Variants in ZNF724 observed in about 807,000 individuals in gnomAD.
The protein encoded by ZNF724 is zinc finger protein 724.
A neutral mutation model predicts 29.3 loss-of-function variants in ZNF724; 14 were observed. The observed-to-expected ratio is 0.48, with a 90% CI of 0.32 to 0.75. ZNF724 has a LOEUF of 0.75. ZNF724 is among the 30% of genes least tolerant of loss of function. The pLI, the probability that ZNF724 is intolerant of heterozygous loss-of-function variation, is 0.04. For synonymous variants in ZNF724, 180 were observed against 193.6 expected (o/e 0.93, Z 0.58); for missense variants, 557 against 571.2 (o/e 0.98, Z 0.25).
chr19:23,228,454 CAA>C (rs35156216), intron 3 of ZNF724, among the ~76,000 whole-genome samples: 12 of 100,068 alleles, frequency 1.2e-4, no homozygotes, highest in Non-Finnish European at 8.4e-5. Context: ...GACTTCGTCT[CAA>C]AAAAAAAAAA....
chr19:23,249,973 C>T (rs1972320639), intron 1 of ZNF724, among the ~76,000 whole-genome samples: 2 of 152,204 alleles, frequency 1.3e-5, no homozygotes, highest in Non-Finnish European at 2.9e-5. Flanking sequence ...GGGAGAGACG[C>T]TGCGCTGCGG....
At chr19:23,249,697 C>G (rs562702195) in intron 1 of ZNF724, among the ~76,000 whole-genome samples, 10 of 152,122 alleles carry the variant, frequency 6.6e-5, no homozygotes, top group African/African-American at 2.2e-4. Context: ...CTGTGCCAGA[C>G]TAATTTTTAT....
At chr19:23,238,001 T>C (rs532752666) in intron 1 of ZNF724, among the ~76,000 whole-genome samples, 4 of 152,300 alleles carry the variant, frequency 2.6e-5, no homozygotes, top group Admixed American at 6.5e-5. Flanking sequence ...TTTAATCCTA[T>C]CTTTGTGCTC....
intron 1 of ZNF724, among the ~76,000 whole-genome samples, chr19:23,234,067 A>G (rs1260387060): frequency 1.3e-5 from 2 of 152,160 alleles, no homozygotes; most frequent in Admixed American, 6.5e-5. Context: ...CAAAGACACC[A>G]GCAATTTCTG....
Position 23,250,334 on chromosome 19 carries a change from C to A in ZNF724, c.-92G>T, listed in dbSNP as rs1972331162. ...GCCACAGAGGCTGGGCCTCTAAGAG[C>A]AGGGGACACAAAGCAGGGAAGACGA... On this transcript the variant is annotated 5_prime_UTR_variant, in exon 1 of 4. Transcript: ENST00000418100. The A allele has an allele frequency of 1.9e-6, 1 of 536,952 alleles. No individual in the cohort carries two copies. The allele number at this position is 536,952 out of a possible 1,614,324, so 33.3% of individuals were successfully genotyped here.
At chr19:23,230,316 A>AT (rs1971913310) in intron 3 of ZNF724, among the ~76,000 whole-genome samples, 1 of 152,148 alleles carries the variant, frequency 6.6e-6, no homozygotes, top group African/African-American at 2.4e-5. Context: ...TGATCTACAG[A>AT]TTTAATAAAC....
rs756199070 is a variant in ZNF724 at position 23,223,888 on chromosome 19, A to T, written c.357T>A (p.Ser119Arg). ...HNLQLKKGYK[S>R]VDEYKVHKGS... is the part of the protein sequence containing the mutation. Reference sequence around the variant, plus strand: ...CTTTGTGCACCTTGTACTCATCCACACTTTTATAGCCTTTTTTTAACTGTA... The same window carrying T: ...CTTTGTGCACCTTGTACTCATCCACTCTTTTATAGCCTTTTTTTAACTGTA... Residue 119 changes from serine (S) to arginine (R), a missense_variant, in exon 4 of 4, where the codon AGT becomes AGA. By Grantham distance (110) the Ser-to-Arg change is moderately radical (BLOSUM62 -1). Coordinates refer to ENST00000418100, the MANE Select transcript of ZNF724 (RefSeq NM_001355404.2). 5 of 777,688 alleles carry T rather than the reference A, an allele frequency of 6.4e-6. No individual in the cohort carries two copies. The Admixed American group carries it at 8.5e-5, about 13-fold the overall frequency. The allele number at this position is 777,688 out of a possible 1,614,324, so 48.2% of individuals were successfully genotyped here. A position where few individuals can be genotyped will look rare whatever the true frequency, so the allele number is the denominator to read the frequency against.
In ZNF724 at chr19:23,223,434, T is replaced by C. The variant is rs530800580; in HGVS notation, c.811A>G (p.Thr271Ala). Residue 271 changes from threonine to alanine, a missense_variant, in exon 4 of 4, where the codon ACA (threonine) becomes GCA (alanine). Coordinates refer to ENST00000418100, the MANE Select transcript of ZNF724 (RefSeq NM_001355404.2). ...TCTCCAGTATGAATTATCTTATGTG[T>C]AGTAAGGTGTGAGGATATGTTAAAA... ...KAFNISSHLT[T>A]HKIIHTGENA... The C allele has an allele frequency of 9.9e-5, 76 of 768,938 alleles. No homozygotes were observed. The highest frequency in any genetic ancestry group is 1.7e-4 in the Non-Finnish European group (71 of 413,048). The allele number at this position is 768,938 out of a possible 1,614,324, so 47.6% of individuals were successfully genotyped here.
rs563320686 is a variant in ZNF724 at position 23,234,783 on chromosome 19, C to G, written c.4-2490G>C. On this transcript the variant is annotated intron_variant, in intron 1 of 3. Transcript: ENST00000418100. The stretch of plus-strand genomic sequence containing the variant: ...TAATATTTAATAAGCTTATAAATCA[C>G]TTGGTAACTTTGGACCTTCCCTATG... 4.3e-4 allele frequency among the ~76,000 whole-genome samples: 65 copies of G among 152,300 alleles called. No homozygotes were observed. In the Middle Eastern group the frequency reaches 0.01, roughly 24 times the overall value.
At chr19:23,231,437 TAATAG>T (rs1456418510) in intron 2 of ZNF724, 76 bp from the exon 3 acceptor site, 16 of 986,614 alleles carry the variant, frequency 1.6e-5, no homozygotes, top group Non-Finnish European at 2.4e-5. Context: ...AGGGTGTAAT[TAATAG>T]AATACTAAAT....
intron 1 of ZNF724, 21 bp from the exon 2 acceptor site, chr19:23,232,314 T>C: frequency 8.5e-7 from 1 of 1,177,334 alleles, no homozygotes; most frequent in Non-Finnish European, 1.3e-6. Context: ...CACACACACA[T>C]ATTTACGAAG....
chr19:23,222,383 T>A lies in ZNF724; in HGVS notation c.*2A>T. 2.8e-6 allele frequency: 3 copies of A among 1,089,828 alleles called. No homozygotes were observed. Among genetic ancestry groups the A allele is most frequent in the Non-Finnish European group, 4.1e-6 (3 of 723,614 alleles). 67.5% of individuals were successfully genotyped at this position (1,089,828 alleles called of 1,614,324 possible). A position where few individuals can be genotyped will look rare whatever the true frequency, so the allele number is the denominator to read the frequency against. ...TGAGCCACCACGCCTGGTCCATTTT[T>A]CTTATTTGTCAGATTTTTCTACAGC... On this transcript the variant is annotated 3_prime_UTR_variant, in exon 4 of 4. Transcript: ENST00000418100.
At chr19:23,226,969 A>G (rs1397865380) in intron 3 of ZNF724, among the ~76,000 whole-genome samples, 1 of 144,250 alleles carries the variant, frequency 6.9e-6, no homozygotes, top group Non-Finnish European at 1.5e-5. Flanking sequence ...CTGCAAAATA[A>G]TAAGGGAAAT....
chr19:23,224,939 A>G (rs1971799090), intron 3 of ZNF724, among the ~76,000 whole-genome samples: 1 of 152,004 alleles, frequency 6.6e-6, no homozygotes, highest in Non-Finnish European at 1.5e-5. Context: ...TGGGCAACAG[A>G]GCAAGACTCC....
At chr19:23,245,153 C>T (rs1972213974) in intron 1 of ZNF724, among the ~76,000 whole-genome samples, 2 of 152,204 alleles carry the variant, frequency 1.3e-5, no homozygotes, top group Admixed American at 6.5e-5. Context: ...AGATTCTGCC[C>T]ATTTTCTTCT....
chr19:23,228,876 C>T (rs1012749304), intron 3 of ZNF724, among the ~76,000 whole-genome samples: 39 of 146,798 alleles, frequency 2.7e-4, no homozygotes, highest in Non-Finnish European at 1.2e-4. Context: ...GGCGACAGAG[C>T]GAGACTCCAA....
At chr19:23,245,512 C>T (rs1176614270) in intron 1 of ZNF724, among the ~76,000 whole-genome samples, 1 of 152,036 alleles carries the variant, frequency 6.6e-6, no homozygotes, top group Non-Finnish European at 1.5e-5. Context: ...ACTCAGGAGG[C>T]TGAGGCAAGA....
At chr19:23,241,632 A>ACC (rs1165164621) in intron 1 of ZNF724, among the ~76,000 whole-genome samples, 1 of 152,200 alleles carries the variant, frequency 6.6e-6, no homozygotes, top group Non-Finnish European at 1.5e-5. Flanking sequence ...AAACAGAACT[A>ACC]AAGAACCACA....
At chr19:23,242,425 A>G (rs1972140284) in intron 1 of ZNF724, among the ~76,000 whole-genome samples, 1 of 152,022 alleles carries the variant, frequency 6.6e-6, no homozygotes, top group African/African-American at 2.4e-5. Context: ...CAAAAAAAAT[A>G]CTAAAAGAAA....
Sources: gnomAD v4.1 joint callset for allele counts (sites outside exome capture counted in the v4.1 genomes callset) on GRCh38, gnomAD v4.1.1 for gene constraint, MANE v1.5 for transcripts, NCBI Gene and HGNC (gene_info 2026-07-23, HGNC 2026-07-21) for gene names.